USP50: variants seen among roughly 807,000 people sequenced by gnomAD.
USP50 encodes ubiquitin carboxyl-terminal hydrolase 50.
USP50 carries 37 observed loss-of-function variants against 39.2 expected under a neutral mutation model. The observed-to-expected ratio is 0.94, with a 90% CI of 0.73 to 1.24. The LOEUF is 1.24. USP50 is among the 50% of genes most tolerant of loss of function. USP50 has a pLI of 0.00. For missense variants in USP50, 374 were observed against 398.2 expected, an observed-to-expected ratio of 0.94 and a Z score of 0.52; for synonymous variants, 139 against 144.5, an observed-to-expected ratio of 0.96 and a Z score of 0.27.
downstream of USP50, chr15:50,493,177 C>G (rs1323346932): frequency 3.6e-6 from 2 of 550,366 alleles, no homozygotes. Context: ...GAGCCCTAAA[C>G]GGCACCTAAT....
chr15:50,535,093 G>T (rs3131598), intron 5 of USP50, among the ~76,000 whole-genome samples: 64,102 of 151,504 alleles, frequency 0.42, 13,971 homozygotes, highest in Admixed American at 0.54. Flanking sequence ...GAGCCAAGAC[G>T]GCACCACTGC....
chr15:50,530,018 A>ACT, intron 5 of USP50, 89 bp from the exon 6 acceptor site: 1 of 1,552,668 alleles, frequency 6.4e-7, no homozygotes, highest in Non-Finnish European at 8.7e-7. Flanking sequence ...TTTAAAAGTA[A>ACT]TTTCTTGACT....
At chr15:50,527,282 G>A (rs2052905758) in intron 6 of USP50, among the ~76,000 whole-genome samples, 1 of 152,142 alleles carries the variant, frequency 6.6e-6, no homozygotes, top group Non-Finnish European at 1.5e-5. Context: ...TCAGCTCACT[G>A]CAACCTCCGC....
chr15:50,498,315 C>T, downstream of USP50: 1 of 270,184 alleles, frequency 3.7e-6, no homozygotes, highest in Non-Finnish European at 6.9e-6. Context: ...TCCTAGAAGA[C>T]TCATGTAGCA....
At chr15:50,529,689 A>T (rs1254039960) in intron 6 of USP50, 108 bp downstream of exon 6, 11 of 1,272,544 alleles carry the variant, frequency 8.6e-6, no homozygotes, top group East Asian at 7.5e-5. Context: ...TATATTTTTT[A>T]AAAGTAGGGC....
chr15:50,540,795 T>G (rs2053021945), intron 4 of USP50, among the ~76,000 whole-genome samples: 1 of 152,150 alleles, frequency 6.6e-6, no homozygotes, highest in Non-Finnish European at 1.5e-5. Flanking sequence ...AACTAATTTT[T>G]GTATTTTTAG....
intron 5 of USP50, among the ~76,000 whole-genome samples, chr15:50,536,786 AGAAATCCAAGAG>A (rs995119231): frequency 1.9e-4 from 29 of 152,200 alleles, no homozygotes; most frequent in Non-Finnish European, 2.9e-4. Context: ...TTCTCATGAA[AGAAATCCAAGAG>A]GAACCTAAAT....
At chr15:50,528,699 G>A (rs969261662) in intron 6 of USP50, among the ~76,000 whole-genome samples, 2 of 152,160 alleles carry the variant, frequency 1.3e-5, no homozygotes, top group African/African-American at 4.8e-5. Flanking sequence ...GTTGAGACTC[G>A]AAGTGAAAAC....
At chr15:50,535,511 A>G (rs1285895894) in intron 5 of USP50, among the ~76,000 whole-genome samples, 4 of 135,498 alleles carry the variant, frequency 3.0e-5, no homozygotes, top group Admixed American at 8.3e-5. Flanking sequence ...TCAGACCACA[A>G]TGGAATTAAA....
At chr15:50,493,055 C>CTTAG, downstream of USP50, 1 of 915,450 alleles carries the variant, frequency 1.1e-6, no homozygotes, top group Non-Finnish European at 1.7e-6. Flanking sequence ...TTTATTTTCT[C>CTTAG]TTAGTTCTTG....
intron 1 of USP50, among the ~76,000 whole-genome samples, chr15:50,495,061 C>G (rs1427805381): frequency 6.6e-6 from 1 of 150,884 alleles, no homozygotes; most frequent in Non-Finnish European, 1.5e-5. Flanking sequence ...CCAAATGACT[C>G]ATGTGACTAG....
At chr15:50,545,137 C>T (rs527739969) in intron 1 of USP50, among the ~76,000 whole-genome samples, 1 of 151,910 alleles carries the variant, frequency 6.6e-6, no homozygotes, top group African/African-American at 2.4e-5. Context: ...TGAACAAGTA[C>T]CTGAAGCCAA....
chr15:50,507,672 T>G (rs1305882784), intron 6 of USP50: 1 of 152,142 alleles, frequency 6.6e-6, no homozygotes, highest in Non-Finnish European at 1.5e-5. Context: ...TTTCAACTAT[T>G]GATCAAGCAG....
At chr15:50,496,894 C>G, downstream of USP50, 1 of 610,522 alleles carries the variant, frequency 1.6e-6, no homozygotes. Context: ...AGGTAGCACT[C>G]ACCACACTCT....
At chr15:50,534,002 A>T (rs573362362) in intron 5 of USP50, among the ~76,000 whole-genome samples, 1 of 152,236 alleles carries the variant, frequency 6.6e-6, no homozygotes, top group African/African-American at 2.4e-5. Context: ...TCCATCTCAA[A>T]AAAAAAGAAA....
intron 6 of USP50, 120 bp from the exon 7 acceptor site, chr15:50,500,957 G>T: frequency 1.2e-6 from 1 of 862,784 alleles, no homozygotes; most frequent in Non-Finnish European, 1.8e-6. Flanking sequence ...AAAAGGAAGT[G>T]ATAATTTTGT....
At chr15:50,540,943 G>T in intron 4 of USP50, 106 bp downstream of exon 4, 2 of 853,994 alleles carry the variant, frequency 2.3e-6, no homozygotes, top group African/African-American at 1.7e-5. Context: ...TTAAATTAAA[G>T]TTATAAAGCC....
chr15:50,535,563 T>C (rs144644682), intron 5 of USP50, among the ~76,000 whole-genome samples: 1,875 of 152,262 alleles, frequency 0.012, 36 homozygotes, highest in African/African-American at 0.044. Flanking sequence ...CCCAAATACA[T>C]GGAGATTAAG....
intron 1 of USP50, among the ~76,000 whole-genome samples, chr15:50,545,638 A>T (rs912748584): frequency 2.0e-5 from 3 of 149,256 alleles, no homozygotes; most frequent in Non-Finnish European, 4.5e-5. Context: ...ATGAATATAT[A>T]TATCTTAAGA....
Sources: allele counts gnomAD v4.1 joint callset (sites outside exome capture counted in the v4.1 genomes callset), GRCh38; gene constraint gnomAD v4.1.1; transcripts MANE v1.5; gene names NCBI Gene and HGNC (gene_info 2026-07-23, HGNC 2026-07-21).